C17orf67: variants seen among roughly 807,000 people sequenced by gnomAD.
The protein encoded by C17orf67 is uncharacterized protein C17orf67.
In C17orf67, 12 loss-of-function variants were observed where a neutral mutation model predicts 11.2. The ratio of observed to expected loss-of-function variants is 1.07; its 90% CI spans 0.68 to 1.73. The LOEUF is 1.73. Ranked by LOEUF, C17orf67 falls within the 40% of genes most tolerant of loss-of-function variation. The pLI, the probability that C17orf67 is intolerant of heterozygous loss-of-function variation, is 0.00. For missense variants in C17orf67, 115 were observed against 113.5 expected (o/e 1.01, Z -0.06); for synonymous variants, 59 against 46.9 (o/e 1.26, Z -1.05).
At chr17:56,815,263 C>T (rs1221465818) in intron 5 of C17orf67, among the ~76,000 whole-genome samples, 1 of 152,140 alleles carries the variant, frequency 6.6e-6, no homozygotes, top group African/African-American at 2.4e-5. Context: ...GTTCACTGGT[C>T]TGTGTGTCTT....
At chr17:56,802,454 C>G (rs755369800) in intron 6 of C17orf67, among the ~76,000 whole-genome samples, 3 of 152,226 alleles carry the variant, frequency 2.0e-5, no homozygotes, top group Non-Finnish European at 4.4e-5. Flanking sequence ...GGAGGCTGTC[C>G]TCTCCAGCTC....
intron 6 of C17orf67, among the ~76,000 whole-genome samples, chr17:56,803,060 A>C (rs1303356389): frequency 6.6e-6 from 1 of 152,246 alleles, no homozygotes; most frequent in Non-Finnish European, 1.5e-5. Context: ...AAACATTCTT[A>C]AAATGCCAGT....
chr17:56,809,702 TCA>T (rs1328900916), intron 6 of C17orf67, among the ~76,000 whole-genome samples: 3 of 120,632 alleles, frequency 2.5e-5, no homozygotes, highest in Non-Finnish European at 5.1e-5. Context: ...TTACACACAT[TCA>T]CACACTCCTC....
intron 6 of C17orf67, among the ~76,000 whole-genome samples, chr17:56,800,714 A>G (rs139514446): frequency 1.3e-4 from 20 of 152,248 alleles, no homozygotes; most frequent in African/African-American, 4.6e-4. Flanking sequence ...GCCTTCTCAG[A>G]TTCCCTGTGA....
intron 4 of C17orf67, among the ~76,000 whole-genome samples, chr17:56,817,855 C>A: frequency 2.1e-5 from 1 of 47,224 alleles, no homozygotes; most frequent in South Asian, 5.3e-4. Flanking sequence ...AATTTTAGAG[C>A]ATTTTTTTTT....
chr17:56,798,640 C>T (rs914747148), intron 6 of C17orf67, among the ~76,000 whole-genome samples: 2 of 149,044 alleles, frequency 1.3e-5, no homozygotes, highest in African/African-American at 2.5e-5. Context: ...CCAGCCTGGG[C>T]GACGTGGTGA....
intron 5 of C17orf67, among the ~76,000 whole-genome samples, chr17:56,815,230 G>A (rs1312026890): frequency 2.0e-5 from 3 of 152,074 alleles, no homozygotes; most frequent in Non-Finnish European, 4.4e-5. Flanking sequence ...TTTGAAAGTG[G>A]GTATTAATTT....
At chr17:56,795,352 C>A in intron 6 of C17orf67, 172 bp from the exon 7 acceptor site, 1 of 608,662 alleles carries the variant, frequency 1.6e-6, no homozygotes, top group Non-Finnish European at 2.9e-6. Flanking sequence ...TCAGACTGAC[C>A]CACCCAGTGG....
intron 6 of C17orf67, among the ~76,000 whole-genome samples, chr17:56,808,394 G>A (rs1481353171): frequency 6.6e-6 from 1 of 152,100 alleles, no homozygotes; most frequent in Non-Finnish European, 1.5e-5. Flanking sequence ...CCCTCCTTGG[G>A]TTCTACCTTC....
intron 6 of C17orf67, among the ~76,000 whole-genome samples, chr17:56,795,522 GA>G (rs747930709): frequency 7.2e-5 from 11 of 152,140 alleles, no homozygotes; most frequent in Non-Finnish European, 1.5e-4. Flanking sequence ...TCAGATATCA[GA>G]GTCACCTGAT....
chr17:56,809,029 G>A (rs1376331503), intron 6 of C17orf67, among the ~76,000 whole-genome samples: 2 of 151,868 alleles, frequency 1.3e-5, no homozygotes, highest in Non-Finnish European at 2.9e-5. Flanking sequence ...GTGTGGAGGG[G>A]TGAGTGTGAG....
In C17orf67 at chr17:56,811,875, C is replaced by T. The variant is rs146530614; in HGVS notation, c.156+2994G>A. 4.7e-3 allele frequency among the ~76,000 whole-genome samples: 717 copies of T among 152,304 alleles called. 2 individuals carry two copies. Among genetic ancestry groups the T allele is most frequent in the African/African-American group, 0.016 (681 of 41,564 alleles). On this transcript the variant is annotated intron_variant, in intron 6 of 7. Transcript: ENST00000397861. ...TGCTTTTATGTTCCCAACTAGACCA[C>T]AGGAGCTGGTACACACGTGGCTGAT...
At chr17:56,818,722 T>C (rs1485399295) in intron 4 of C17orf67, among the ~76,000 whole-genome samples, 2 of 152,210 alleles carry the variant, frequency 1.3e-5, no homozygotes, top group African/African-American at 2.4e-5. Context: ...TTTTAACACA[T>C]AATCAATATA....
chr17:56,796,871 T>C (rs969244503), intron 6 of C17orf67, among the ~76,000 whole-genome samples: 1 of 100,626 alleles, frequency 9.9e-6, no homozygotes, highest in Non-Finnish European at 2.0e-5. Context: ...CCAAAAGGGG[T>C]CAAAGGTGGC....
intron 4 of C17orf67, among the ~76,000 whole-genome samples, chr17:56,820,436 A>C (rs1905871620): frequency 6.6e-6 from 1 of 152,100 alleles, no homozygotes; most frequent in Admixed American, 6.6e-5. Context: ...ACACTCTCAC[A>C]CACCCACCCA....
At chr17:56,801,226 G>A (rs1905314076) in intron 6 of C17orf67, among the ~76,000 whole-genome samples, 1 of 152,176 alleles carries the variant, frequency 6.6e-6, no homozygotes, top group Non-Finnish European at 1.5e-5. Flanking sequence ...CAAACAGCAG[G>A]CCAATAATCA....
chr17:56,820,368 C>T (rs1403105195), intron 4 of C17orf67, among the ~76,000 whole-genome samples: 3 of 152,212 alleles, frequency 2.0e-5, no homozygotes, highest in Non-Finnish European at 2.9e-5. Context: ...CGTGTCCCAG[C>T]AGCTCAGGGC....
At chr17:56,799,984 G>GAAAAAAAAA in intron 6 of C17orf67, among the ~76,000 whole-genome samples, 1 of 140,360 alleles carries the variant, frequency 7.1e-6, no homozygotes, top group Non-Finnish European at 1.5e-5. Context: ...TTAAAGTCAT[G>GAAAAAAAAA]AAAAAAAAAA....
intron 6 of C17orf67, among the ~76,000 whole-genome samples, chr17:56,804,981 G>C (rs1005086411): frequency 6.6e-6 from 1 of 152,204 alleles, no homozygotes; most frequent in Non-Finnish European, 1.5e-5. Flanking sequence ...ACCCTGGAGA[G>C]AAGCAAAGGA....
Sources: allele counts gnomAD v4.1 joint callset (sites outside exome capture counted in the v4.1 genomes callset), GRCh38; gene constraint gnomAD v4.1.1; transcripts MANE v1.5; gene names NCBI Gene and HGNC (gene_info 2026-07-23, HGNC 2026-07-21).